ITFG1: variants seen among roughly 807,000 people sequenced by gnomAD.
The protein encoded by ITFG1 is integrin alpha FG-GAP repeat containing 1, also known as T-cell immunomodulatory protein.
A neutral mutation model predicts 81.8 loss-of-function variants in ITFG1; 34 were observed. The observed-to-expected ratio is 0.42, with a 90% CI of 0.32 to 0.55. ITFG1 has a LOEUF of 0.55. Ranked by LOEUF, ITFG1 falls within the 20% of genes least tolerant of loss-of-function variation. ITFG1 has a pLI of 0.17. For synonymous variants in ITFG1, 285 were observed against 270.6 expected, an observed-to-expected ratio of 1.05 and a Z score of -0.52; for missense variants, 672 against 755.4, an observed-to-expected ratio of 0.89 and a Z score of 1.29.
chr16:47,363,146 G>A (rs777312945), intron 8 of ITFG1, among the ~76,000 whole-genome samples: 8 of 151,916 alleles, frequency 5.3e-5, no homozygotes, highest in South Asian at 2.1e-4. Context: ...TGATCCTCCC[G>A]CCTCAGCCTC....
intron 13 of ITFG1, among the ~76,000 whole-genome samples, chr16:47,223,540 G>T (rs1338272216): frequency 6.6e-6 from 1 of 152,170 alleles, no homozygotes; most frequent in Non-Finnish European, 1.5e-5. Context: ...AGTTAGAATG[G>T]CAATCATTAA....
rs138493245 is a variant in ITFG1, at chr16:47,311,166, T to C, written c.1070+74A>G. 955 of 1,059,800 alleles carry C rather than the reference T, an allele frequency of 9.0e-4. 1 individual carries two copies. Among genetic ancestry groups the C allele is most frequent in the Non-Finnish European group, 1.2e-3 (903 of 734,690 alleles). The allele number at this position is 1,059,800 out of a possible 1,614,324, so 65.6% of individuals were successfully genotyped here. The stretch of plus-strand genomic sequence containing the variant: ...TATAACATATTTAGGTACTATTCAG[T>C]TGCAAAGTACCATGGTTTGCAAATA... On this transcript the variant is annotated intron_variant, in intron 10 of 17. Transcript: ENST00000320640.
intron 6 of ITFG1, among the ~76,000 whole-genome samples, chr16:47,383,152 C>A (rs988761844): frequency 6.6e-6 from 1 of 152,098 alleles, no homozygotes; most frequent in African/African-American, 2.4e-5. Context: ...ACATAAGACT[C>A]TCCCCTTTCT....
intron 10 of ITFG1, among the ~76,000 whole-genome samples, chr16:47,265,555 C>T (rs1333893799): frequency 1.3e-5 from 2 of 152,062 alleles, no homozygotes; most frequent in African/African-American, 2.4e-5. Flanking sequence ...GGTTCTGAAA[C>T]TATACGTGAA....
Position 47,218,860 on chromosome 16 carries a change from G to A in ITFG1, c.1453+8C>T, listed in dbSNP as rs1405400621. The A allele has an allele frequency of 6.5e-7, 1 of 1,548,022 alleles. No individual in the cohort carries two copies. The highest frequency in any genetic ancestry group is 8.8e-7 in the Non-Finnish European group (1 of 1,130,238). On this transcript the variant is annotated splice_region_variant and intron_variant, in intron 14 of 17. Transcript: ENST00000320640. The stretch of plus-strand genomic sequence containing the variant: ...TTTATACATTATGGACAATGTATCT[G>A]GTCTTACCTGATCCATTTTTCAGAT...
chr16:47,202,602 A>C (rs1241298980), intron 14 of ITFG1, among the ~76,000 whole-genome samples: 1 of 152,114 alleles, frequency 6.6e-6, no homozygotes, highest in African/African-American at 2.4e-5. Context: ...AAAAAAAGAA[A>C]CATAATGAGA....
intron 13 of ITFG1, among the ~76,000 whole-genome samples, chr16:47,228,959 T>A (rs1026580995): frequency 6.6e-6 from 1 of 152,192 alleles, no homozygotes; most frequent in Non-Finnish European, 1.5e-5. Context: ...TAACAGTGAA[T>A]ATGCTATTGG....
At chr16:47,302,902 T>C (rs901892166) in intron 10 of ITFG1, among the ~76,000 whole-genome samples, 1 of 152,230 alleles carries the variant, frequency 6.6e-6, no homozygotes, top group Admixed American at 6.5e-5. Flanking sequence ...CTTAGATCAA[T>C]CTGAACTAAG....
chr16:47,270,853 C>G (rs183531895), intron 10 of ITFG1, among the ~76,000 whole-genome samples: 914 of 152,178 alleles, frequency 6.0e-3, no homozygotes, highest in African/African-American at 0.02. Context: ...TTAGAAAATG[C>G]AATCTAATCT....
chr16:47,231,389 G>T lies in ITFG1; in HGVS notation c.1374+6576C>A, dbSNP rs1965815215. Among the ~76,000 whole-genome samples the T allele has an allele frequency of 2.6e-5, 4 of 152,168 alleles. No homozygotes were observed. In the South Asian group the frequency reaches 8.3e-4, roughly 32 times the overall value. The stretch of plus-strand genomic sequence containing the variant: ...TGAGAATAAAAGATTTCAAAAATTA[G>T]TTGGATATTTGAAGGAAAAAAAAAT... On this transcript the variant is annotated intron_variant, in intron 13 of 17. Transcript: ENST00000320640.
At chr16:47,325,891 A>C (rs1319256855) in intron 8 of ITFG1, among the ~76,000 whole-genome samples, 4 of 152,198 alleles carry the variant, frequency 2.6e-5, no homozygotes, top group Non-Finnish European at 5.9e-5. Context: ...ATTCTACCTG[A>C]GGTACAAGGA....
chr16:47,380,906 CAATT>C (rs1423440829), intron 6 of ITFG1, among the ~76,000 whole-genome samples: 1 of 152,164 alleles, frequency 6.6e-6, no homozygotes, highest in Non-Finnish European at 1.5e-5. Context: ...ACTCCAAACT[CAATT>C]AAGTTCTTTT....
At chr16:47,224,499 G>C (rs1965734792) in intron 13 of ITFG1, among the ~76,000 whole-genome samples, 1 of 152,142 alleles carries the variant, frequency 6.6e-6, no homozygotes, top group South Asian at 2.1e-4. Flanking sequence ...ATTAAGCTGA[G>C]TGGCAACACA....
intron 6 of ITFG1, among the ~76,000 whole-genome samples, chr16:47,417,104 C>T (rs929714397): frequency 7.2e-5 from 11 of 152,196 alleles, no homozygotes; most frequent in Non-Finnish European, 1.5e-4. Context: ...CACTTCTTGT[C>T]ATCTTTGTAT....
intron 6 of ITFG1, among the ~76,000 whole-genome samples, chr16:47,384,052 G>C (rs1341750222): frequency 6.6e-6 from 1 of 152,176 alleles, no homozygotes; most frequent in Non-Finnish European, 1.5e-5. Flanking sequence ...TAGTCATGGG[G>C]TATGTGTTAG....
chr16:47,335,245 T>C (rs1967687619), intron 8 of ITFG1, among the ~76,000 whole-genome samples: 1 of 152,046 alleles, frequency 6.6e-6, no homozygotes, highest in South Asian at 2.1e-4. Flanking sequence ...TAATCCCAGC[T>C]ACTAGGGAGG....
intron 8 of ITFG1, among the ~76,000 whole-genome samples, chr16:47,333,449 G>A (rs1413756877): frequency 5.9e-5 from 9 of 152,116 alleles, no homozygotes; most frequent in Admixed American, 5.9e-4. Context: ...GTTTTTCTCT[G>A]GATTGAAGGT....
At chr16:47,373,939 A>G (rs1006986883) in intron 7 of ITFG1, among the ~76,000 whole-genome samples, 1 of 152,224 alleles carries the variant, frequency 6.6e-6, no homozygotes, top group Admixed American at 6.5e-5. Context: ...AACTTTATCT[A>G]TCCTAGTTAA....
At chr16:47,351,112 T>C (rs1967947272) in intron 8 of ITFG1, among the ~76,000 whole-genome samples, 1 of 152,184 alleles carries the variant, frequency 6.6e-6, no homozygotes, top group Non-Finnish European at 1.5e-5. Flanking sequence ...TCATACTGAA[T>C]GGACAAAAAC....
Sources: gnomAD v4.1 joint callset for allele counts (sites outside exome capture counted in the v4.1 genomes callset) on GRCh38, gnomAD v4.1.1 for gene constraint, MANE v1.5 for transcripts, NCBI Gene and HGNC (gene_info 2026-07-23, HGNC 2026-07-21) for gene names.